Variants in ASB6 observed in about 807,000 individuals in gnomAD.
ASB6 encodes ankyrin repeat and SOCS box containing 6.
Under a neutral mutation model 28.6 loss-of-function variants are expected in ASB6, and 24 were observed. The ratio of observed to expected loss-of-function variants is 0.84; its 90% CI spans 0.61 to 1.18. ASB6 has a LOEUF of 1.18. Among genes scored for constraint, ASB6 ranks in the 50% most tolerant of loss-of-function variants. The pLI, the probability that ASB6 is intolerant of heterozygous loss-of-function variation, is 0.00. For missense variants in ASB6, 519 were observed against 559.8 expected (o/e 0.93, Z 0.74); for synonymous variants, 267 against 243.4 (o/e 1.10, Z -0.90).
At position 129,635,024 on chromosome 9, in the gene ASB6, A is replaced by T; in HGVS notation, c.*2766T>A. On this transcript the variant is annotated 3_prime_UTR_variant, in exon 6 of 6. Coordinates refer to ENST00000277458, the MANE Select transcript of ASB6 (RefSeq NM_017873.4). ...TCTTTAGGTAGATGACCTCTGAGCC[A>T]CAGTTTCCTATTCTATGAATTGGGG... The T allele has an allele frequency of 1.4e-6, 1 of 689,922 alleles. No homozygotes were observed. Among genetic ancestry groups the T allele is most frequent in the Non-Finnish European group, 2.4e-6 (1 of 416,924 alleles). The allele number at this position is 689,922 out of a possible 1,614,324, so 42.7% of individuals were successfully genotyped here.
chr9:129,635,247 G>A lies in ASB6; in HGVS notation c.*2543C>T, dbSNP rs1394370087. On this transcript the variant is annotated 3_prime_UTR_variant, in exon 6 of 6. Coordinates refer to ENST00000277458, the MANE Select transcript of ASB6 (RefSeq NM_017873.4). ...CAGCACCTGGCCGAGTTCCTGCGGCGCTGCAAGGGCAGCCTCCGCCCCAAC... is the reference window on the plus strand; with the variant it reads ...CAGCACCTGGCCGAGTTCCTGCGGCACTGCAAGGGCAGCCTCCGCCCCAAC... The A allele has an allele frequency of 3.1e-6, 5 of 1,612,650 alleles. No individual in the cohort carries two copies. Among genetic ancestry groups the A allele is most frequent in the East Asian group, 2.2e-5 (1 of 44,880 alleles).
chr9:129,638,724 G>A lies in ASB6; in HGVS notation c.512-65C>T, dbSNP rs967611330. 9.8e-6 allele frequency: 13 copies of A among 1,322,236 alleles called. No homozygotes were observed. The Admixed American group carries it at 2.1e-4, about 22-fold the overall frequency. 81.9% of individuals were successfully genotyped at this position (1,322,236 alleles called of 1,614,324 possible). ...GAAGCCCAGGTCAGGGCAACCCAGA[G>A]GAGGTGGCAGAAATCCAGACACTCA... is the stretch of plus-strand genomic sequence containing the variant. On this transcript the variant is annotated intron_variant, in intron 4 of 5. Transcript: ENST00000277458.
In ASB6 at chr9:129,635,035, T is replaced by G; in HGVS notation, c.*2755A>C. Reference sequence around the variant, plus strand: ...ATGACCTCTGAGCCACAGTTTCCTATTCTATGAATTGGGGTTTAGTAAATC... The same window carrying G: ...ATGACCTCTGAGCCACAGTTTCCTAGTCTATGAATTGGGGTTTAGTAAATC... On this transcript the variant is annotated 3_prime_UTR_variant, in exon 6 of 6. Transcript: ENST00000277458. 12 of 724,902 alleles carry G rather than the reference T, an allele frequency of 1.7e-5. No homozygotes were observed. Among genetic ancestry groups the G allele is most frequent in the Non-Finnish European group, 2.7e-5 (12 of 443,716 alleles). 44.9% of individuals were successfully genotyped at this position (724,902 alleles called of 1,614,324 possible). A position where few individuals can be genotyped will look rare whatever the true frequency, so the allele number is the denominator to read the frequency against.
At chr9:129,640,948 G>C (rs1831682567) in intron 1 of ASB6, 2 of 549,452 alleles carry the variant, frequency 3.6e-6, no homozygotes, top group South Asian at 4.7e-5. Context: ...GTCTGTCTGC[G>C]CTCTCCTCCC....
At chr9:129,641,289 G>A (rs1249492768) in intron 1 of ASB6, 1 of 154,940 alleles carries the variant, frequency 6.5e-6, no homozygotes, top group African/African-American at 2.4e-5. Context: ...CTCAACACCT[G>A]AGCCGAGCCC....
chr9:129,638,622 G>T lies in ASB6; in HGVS notation c.549C>A (p.Asp183Glu). ...TALLHALASS[D>E]GVQIHNTENI... is the part of the protein sequence containing the mutation. ...TCTCAGTATTGTGGATCTGCACCCC[G>T]TCGCTGCTGGCCAGAGCATGGAGCA... is the stretch of plus-strand genomic sequence containing the variant. Residue 183 changes from aspartate (D) to glutamate (E), a missense_variant, in exon 5 of 6, where the codon GAC becomes GAA. Asp to Glu is a conservative substitution (Grantham distance 45, BLOSUM62 2). Coordinates refer to ENST00000277458, the MANE Select transcript of ASB6 (RefSeq NM_017873.4). 6.2e-7 allele frequency: 1 copy of T among 1,613,822 alleles called. No homozygotes were observed. Among genetic ancestry groups the T allele is most frequent in the Non-Finnish European group, 8.5e-7 (1 of 1,179,892 alleles).
At position 129,640,594 on chromosome 9, in the gene ASB6, A is replaced by G. The variant is rs757337108; in HGVS notation, c.242T>C (p.Leu81Pro). The change falls in exon 2 of 6, where the codon CTG becomes CCG. Residue 81 changes from leucine (L) to proline (P), a missense_variant. Transcript: ENST00000277458. Reference protein sequence around the residue: ...NALLKMAELGLTRAADVLLRH... With the variant: ...NALLKMAELGPTRAADVLLRH... ...CAAGAGAACGTCGGCCGCCCGCGTC[A>G]GCCCCAGCTCAGCCATCTTGAGCAG... The G allele has an allele frequency of 1.1e-5, 18 of 1,613,318 alleles. No homozygotes were observed. The highest frequency in any genetic ancestry group is 1.5e-5 in the Non-Finnish European group (18 of 1,179,882).
chr9:129,635,132 G>A lies in ASB6; in HGVS notation c.*2658C>T. The A allele has an allele frequency of 2.0e-6, 3 of 1,530,590 alleles. No homozygotes were observed. Among genetic ancestry groups the A allele is most frequent in the Non-Finnish European group, 2.6e-6 (3 of 1,135,748 alleles). 94.8% of individuals were successfully genotyped at this position (1,530,590 alleles called of 1,614,324 possible). A position where few individuals can be genotyped will look rare whatever the true frequency, so the allele number is the denominator to read the frequency against. ...GGGCACAAATGAGGGGCTCAGCGGGGCTGAGAAGTACATCCCATCCAGTGC... is the reference window on the plus strand; with the variant it reads ...GGGCACAAATGAGGGGCTCAGCGGGACTGAGAAGTACATCCCATCCAGTGC... On this transcript the variant is annotated 3_prime_UTR_variant, in exon 6 of 6. Coordinates refer to ENST00000277458, the MANE Select transcript of ASB6 (RefSeq NM_017873.4).
rs1004222442 is a variant in ASB6 at position 129,634,904 on chromosome 9, C to G, written c.*2886G>C. 10 of 388,434 alleles carry G rather than the reference C, an allele frequency of 2.6e-5. No individual in the cohort carries two copies. The highest frequency in any genetic ancestry group is 8.4e-5 in the Admixed American group (2 of 23,940). The allele number at this position is 388,434 out of a possible 1,614,324, so 24.1% of individuals were successfully genotyped here. A position where few individuals can be genotyped will look rare whatever the true frequency, so the allele number is the denominator to read the frequency against. On this transcript the variant is annotated 3_prime_UTR_variant, in exon 6 of 6. Transcript: ENST00000277458. ...AAACTCTTAGCCCAGGTTCACTCCT[C>G]CGATCCAAGCCTGGCAGGGGTGGGG...
In ASB6 at chr9:129,642,082, C is replaced by A; in HGVS notation, c.-83G>T. The A allele has an allele frequency of 7.0e-7, 1 of 1,437,632 alleles. No homozygotes were observed. The highest frequency in any genetic ancestry group is 1.4e-5 in the South Asian group (1 of 71,552). The allele number at this position is 1,437,632 out of a possible 1,614,324, so 89.1% of individuals were successfully genotyped here. On this transcript the variant is annotated 5_prime_UTR_variant, in exon 1 of 6. Coordinates refer to ENST00000277458, the MANE Select transcript of ASB6 (RefSeq NM_017873.4). This position sits in a 1 kb window ranked among gnomAD's most constrained non-coding sequence, Gnocchi z 4.3. The stretch of plus-strand genomic sequence containing the variant: ...GACGCCGACCGGAACGCTCCGGCGG[C>A]CGCGGACCCCACCTGCTCCGCCAGT...
intron 4 of ASB6, 77 bp downstream of exon 4, chr9:129,639,125 G>C (rs1831630511): frequency 7.1e-7 from 1 of 1,416,556 alleles, no homozygotes; most frequent in Non-Finnish European, 9.6e-7. Flanking sequence ...CCTAGCTGTT[G>C]TCCTGGGGCA....
intron 4 of ASB6, 51 bp from the exon 5 acceptor site, chr9:129,638,710 C>T (rs1165888128): frequency 1.4e-6 from 2 of 1,463,708 alleles, no homozygotes; most frequent in Non-Finnish European, 1.9e-6. Flanking sequence ...AAGCCCAGGT[C>T]AGGGCAACCC....
chr9:129,640,437 G>C, intron 2 of ASB6, 104 bp downstream of exon 2: 1 of 1,419,150 alleles, frequency 7.0e-7, no homozygotes, highest in Non-Finnish European at 9.3e-7. Flanking sequence ...AGGGGGGGAA[G>C]TCACTCCTCA....
chr9:129,640,580 C>T lies in ASB6; in HGVS notation c.256G>A (p.Asp86Asn), dbSNP rs765901730. The change falls in exon 2 of 6, where the codon GAC becomes AAC. Residue 86 changes from aspartate (D) to asparagine (N), a missense_variant. Coordinates refer to ENST00000277458, the MANE Select transcript of ASB6 (RefSeq NM_017873.4). ...MAELGLTRAADVLLRHGANLN... is the reference protein window; with the variant it reads ...MAELGLTRAANVLLRHGANLN... ...TTGGCCCCATGCCGCAAGAGAACGT[C>T]GGCCGCCCGCGTCAGCCCCAGCTCA... The T allele has an allele frequency of 1.2e-6, 2 of 1,612,284 alleles. No individual in the cohort carries two copies. The highest frequency in any genetic ancestry group is 2.2e-5 in the East Asian group (1 of 44,868).
In ASB6 at chr9:129,635,270, A is replaced by T. The variant is rs1831473280; in HGVS notation, c.*2520T>A. On this transcript the variant is annotated 3_prime_UTR_variant, in exon 6 of 6. Transcript: ENST00000277458. ...GCGCTGCAAGGGCAGCCTCCGCCCC[A>T]ACGGCATCATCGTCATCAAAGACAA... is the stretch of plus-strand genomic sequence containing the variant. 6.2e-7 allele frequency: 1 copy of T among 1,613,382 alleles called. No individual in the cohort carries two copies. Among genetic ancestry groups the T allele is most frequent in the African/African-American group, 1.3e-5 (1 of 74,930 alleles).
At position 129,634,815 on chromosome 9, in the gene ASB6, C is replaced by T. The variant is rs1831426040; in HGVS notation, c.*2975G>A. ...GGTCTGGCCTTGTATTTTGTGGTCT[C>T]AGAAGCCTTTGTGGGGACTTCTAGT... On this transcript the variant is annotated 3_prime_UTR_variant, in exon 6 of 6. Transcript: ENST00000277458. The T allele has an allele frequency of 7.8e-6, 2 of 255,204 alleles. No homozygotes were observed. Among genetic ancestry groups the T allele is most frequent in the Non-Finnish European group, 1.5e-5 (2 of 130,488 alleles). The allele number at this position is 255,204 out of a possible 1,614,324, so 15.8% of individuals were successfully genotyped here. A position where few individuals can be genotyped will look rare whatever the true frequency, so the allele number is the denominator to read the frequency against.
Position 129,637,864 on chromosome 9 carries a change from C to T in ASB6, c.1192G>A (p.Ala398Thr), listed in dbSNP as rs1221860834. 1 of 1,544,574 alleles carries T rather than the reference C, an allele frequency of 6.5e-7. No homozygotes were observed. Among genetic ancestry groups the T allele is most frequent in the African/African-American group, 1.4e-5 (1 of 72,826 alleles). ...TTCAGCCTGTCGGGCAGAGGCAGGG[C>T]TTTGACCTTCACATCCACAGGCCAC... ...QPWPVDVKVKALPLPDRLKWY... is the reference protein window; with the variant it reads ...QPWPVDVKVKTLPLPDRLKWY... The change falls in exon 6 of 6, where the codon GCC (alanine) becomes ACC (threonine). Residue 398 changes from alanine to threonine, a missense_variant. Physicochemically the swap from Ala to Thr is moderately conservative, Grantham distance 58 (BLOSUM62 0). Coordinates refer to ENST00000277458, the MANE Select transcript of ASB6 (RefSeq NM_017873.4).
In ASB6 at chr9:129,638,036, G is replaced by T; in HGVS notation, c.1020C>A (p.Leu340=). The T allele has an allele frequency of 6.2e-7, 1 of 1,614,158 alleles. No homozygotes were observed. Among genetic ancestry groups the T allele is most frequent in the Non-Finnish European group, 8.5e-7 (1 of 1,180,016 alleles). The stretch of plus-strand genomic sequence containing the variant: ...GGATATCGAAGTTTTCGGGCAGCTG[G>T]AGTTTCTGAGAGTTGGTCACCATGA... ...LDLMVTNSQK[L]QLPENFDIHP... The change falls in exon 6 of 6, where the codon CTC becomes CTA. Residue 340 remains leucine, a synonymous_variant. Coordinates refer to ENST00000277458, the MANE Select transcript of ASB6 (RefSeq NM_017873.4).
rs3088095 is a variant in ASB6, at chr9:129,634,960, T to G, written c.*2830A>C. 2 of 523,950 alleles carry G rather than the reference T, an allele frequency of 3.8e-6. No homozygotes were observed. The highest frequency in any genetic ancestry group is 6.8e-6 in the Non-Finnish European group (2 of 292,646). The allele number at this position is 523,950 out of a possible 1,614,324, so 32.5% of individuals were successfully genotyped here. On this transcript the variant is annotated 3_prime_UTR_variant, in exon 6 of 6. Coordinates refer to ENST00000277458, the MANE Select transcript of ASB6 (RefSeq NM_017873.4). ...TGGTGTGTAGGTATCAGGCAGGACT[T>G]GTAAGCCATCCCGTCAAGTCAAATT...
Sources: gnomAD v4.1 joint callset for allele counts on GRCh38, gnomAD v4.1.1 for gene constraint, Gnocchi (gnomAD v3.1) non-coding constraint, MANE v1.5 for transcripts, NCBI Gene and HGNC (gene_info 2026-07-23, HGNC 2026-07-21) for gene names.